FHOD3: variants seen among roughly 807,000 people sequenced by gnomAD.
FHOD3 encodes FH1/FH2 domain-containing protein 3.
In FHOD3, 90 loss-of-function variants were observed where a neutral mutation model predicts 173.0. The observed-to-expected ratio is 0.52, with a 90% CI of 0.44 to 0.62. The LOEUF is 0.62. Ranked by LOEUF, FHOD3 falls within the 20% of genes least tolerant of loss-of-function variation. The pLI, the probability that FHOD3 is intolerant of heterozygous loss-of-function variation, is 0.00. For missense variants in FHOD3, 1,945 were observed against 2,034.7 expected (o/e 0.96, Z 0.85); for synonymous variants, 828 against 823.0 (o/e 1.01, Z -0.10).
At chr18:36,441,506 G>A (rs1235731080) in intron 3 of FHOD3, among the ~76,000 whole-genome samples, 1 of 152,244 alleles carries the variant, frequency 6.6e-6, no homozygotes, top group African/African-American at 2.4e-5. Context: ...GAAGGCTTCA[G>A]GAGGTTTTCT....
At chr18:36,544,493 G>A (rs1337602845) in intron 5 of FHOD3, 2 of 152,390 alleles carry the variant, frequency 1.3e-5, no homozygotes, top group Non-Finnish European at 2.9e-5. Context: ...AGCTCACAGT[G>A]TGAGGTGCCT....
intron 3 of FHOD3, among the ~76,000 whole-genome samples, chr18:36,381,544 G>T (rs2047787972): frequency 6.6e-6 from 1 of 152,204 alleles, no homozygotes; most frequent in African/African-American, 2.4e-5. Flanking sequence ...GGCAGAGGCT[G>T]CGAGTCCCTG....
chr18:36,720,744 C>CCTCCTCCTT (rs1568670543), intron 19 of FHOD3, among the ~76,000 whole-genome samples: 1 of 147,260 alleles, frequency 6.8e-6, no homozygotes, highest in Non-Finnish European at 1.5e-5. Flanking sequence ...TTCTCCTCCT[C>CCTCCTCCTT]CTTCTTCTCC....
intron 2 of FHOD3, among the ~76,000 whole-genome samples, chr18:36,358,222 T>C (rs2046452085): frequency 6.6e-6 from 1 of 152,232 alleles, no homozygotes; most frequent in Non-Finnish European, 1.5e-5. Flanking sequence ...GTACTTTAGG[T>C]TCTATGCAGC....
chr18:36,756,818 C>A (rs2042653567), intron 25 of FHOD3, among the ~76,000 whole-genome samples: 1 of 152,112 alleles, frequency 6.6e-6, no homozygotes, highest in Non-Finnish European at 1.5e-5. Context: ...ACAGCTCTAC[C>A]CTGCACCCAA....
At chr18:36,693,005 T>C in intron 16 of FHOD3, 1 of 598,650 alleles carries the variant, frequency 1.7e-6, no homozygotes, top group South Asian at 2.0e-5. Context: ...CCCAATTTGC[T>C]TGGTTATGAG....
At chr18:36,731,769 T>C (rs1461238926) in intron 20 of FHOD3, among the ~76,000 whole-genome samples, 1 of 152,156 alleles carries the variant, frequency 6.6e-6, no homozygotes, top group Non-Finnish European at 1.5e-5. Context: ...GAATCACCCA[T>C]GGCCCTGGGA....
chr18:36,727,147 A>G (rs1248275785), intron 19 of FHOD3, among the ~76,000 whole-genome samples: 1 of 152,122 alleles, frequency 6.6e-6, no homozygotes, highest in East Asian at 1.9e-4. Flanking sequence ...CGCTTTGGGA[A>G]GGAAGAGTGG....
intron 19 of FHOD3, among the ~76,000 whole-genome samples, chr18:36,725,318 T>C (rs1422325933): frequency 3.9e-5 from 6 of 152,334 alleles, no homozygotes; most frequent in African/African-American, 1.4e-4. Flanking sequence ...TCCAGAGGTA[T>C]GCATTTTTTG....
At chr18:36,530,496 T>C (rs1187848308) in intron 5 of FHOD3, among the ~76,000 whole-genome samples, 1 of 152,232 alleles carries the variant, frequency 6.6e-6, no homozygotes, top group East Asian at 1.9e-4. Context: ...GTTGAGAGAA[T>C]GAGTGAGTGT....
At chr18:36,363,969 A>G (rs560400642) in intron 2 of FHOD3, among the ~76,000 whole-genome samples, 1 of 152,336 alleles carries the variant, frequency 6.6e-6, no homozygotes, top group Admixed American at 6.5e-5. Flanking sequence ...AAGCCACTCT[A>G]AGAAAATCAG....
intron 14 of FHOD3, among the ~76,000 whole-genome samples, chr18:36,666,118 G>A (rs967477312): frequency 1.3e-5 from 2 of 152,274 alleles, no homozygotes; most frequent in East Asian, 1.9e-4. Flanking sequence ...AGTAATGTGA[G>A]ACTCCATGTG....
intron 20 of FHOD3, among the ~76,000 whole-genome samples, chr18:36,736,504 CAAG>C (rs1316310033): frequency 6.6e-6 from 1 of 152,162 alleles, no homozygotes; most frequent in African/African-American, 2.4e-5. Flanking sequence ...TGGCTCTCAG[CAAG>C]AAGGAGAGCT....
intron 8 of FHOD3, among the ~76,000 whole-genome samples, chr18:36,606,012 G>T (rs1465303986): frequency 6.6e-6 from 1 of 152,098 alleles, no homozygotes; most frequent in Non-Finnish European, 1.5e-5. Flanking sequence ...TGGGGTGGGA[G>T]GTACAATGAG....
At chr18:36,686,508 G>A (rs540252158) in intron 15 of FHOD3, among the ~76,000 whole-genome samples, 2 of 151,436 alleles carry the variant, frequency 1.3e-5, no homozygotes, top group East Asian at 4.0e-4. Flanking sequence ...TGGGGAGGGA[G>A]AGCATCAGGA....
At chr18:36,750,282 C>T (rs2042348441) in intron 24 of FHOD3, among the ~76,000 whole-genome samples, 1 of 151,980 alleles carries the variant, frequency 6.6e-6, no homozygotes, top group Non-Finnish European at 1.5e-5. Flanking sequence ...AGGAAGACTC[C>T]ATCTCAAAAA....
chr18:36,548,693 G>A (rs1302278991), intron 5 of FHOD3, among the ~76,000 whole-genome samples: 3 of 152,172 alleles, frequency 2.0e-5, no homozygotes, highest in Admixed American at 6.5e-5. Context: ...TACAGTACAT[G>A]TCCTTTTATT....
intron 10 of FHOD3, among the ~76,000 whole-genome samples, chr18:36,636,631 C>G (rs922330877): frequency 1.3e-5 from 2 of 151,850 alleles, no homozygotes; most frequent in African/African-American, 2.4e-5. Context: ...CCACATGGCC[C>G]CAGATAAATA....
chr18:36,679,761 C>A (rs2038112940), intron 14 of FHOD3, among the ~76,000 whole-genome samples: 1 of 151,946 alleles, frequency 6.6e-6, no homozygotes, highest in Non-Finnish European at 1.5e-5. Context: ...TCGTGTGAAA[C>A]CAGTTTGTGG....
Sources: allele counts gnomAD v4.1 joint callset (sites outside exome capture counted in the v4.1 genomes callset), GRCh38; gene constraint gnomAD v4.1.1; transcripts MANE v1.5; gene names NCBI Gene and HGNC (gene_info 2026-07-23, HGNC 2026-07-21).